ACTN4: variants seen among roughly 807,000 people sequenced by gnomAD.
The protein encoded by ACTN4 is actinin alpha 4, also known as alpha-actinin-4.
Under a neutral mutation model 114.2 loss-of-function variants are expected in ACTN4, and 18 were observed. The observed-to-expected ratio is 0.16, with a 90% CI of 0.11 to 0.23. ACTN4 has a LOEUF of 0.23. Among genes scored for constraint, ACTN4 ranks in the 10% least tolerant of loss-of-function variants. The pLI is 1.00. For missense variants in ACTN4, 722 were observed against 1,262.9 expected (o/e 0.57, Z 6.49); for synonymous variants, 515 against 506.3 (o/e 1.02, Z -0.23).
chr19:38,707,912 G>T (rs537310388), intron 5 of ACTN4, among the ~76,000 whole-genome samples: 1 of 152,358 alleles, frequency 6.6e-6, no homozygotes, highest in African/African-American at 2.4e-5. Context: ...CTGTCAGTAG[G>T]CAGAAGAGTC....
chr19:38,655,263 G>A (rs1435806674), intron 1 of ACTN4, among the ~76,000 whole-genome samples: 1 of 152,162 alleles, frequency 6.6e-6, no homozygotes, highest in African/African-American at 2.4e-5. Context: ...AAACAAAACA[G>A]TGTTGTTTCC....
Position 38,729,269 on chromosome 19 carries a change from C to T in ACTN4, c.2578-5C>T, listed in dbSNP as rs762278465. Reference sequence around the variant, plus strand: ...TGGCTCAGAGTCCCATCCTGCCTGCCCCAGAACTTCATCACAGCTGAGGAG... The same window carrying T: ...TGGCTCAGAGTCCCATCCTGCCTGCTCCAGAACTTCATCACAGCTGAGGAG... On this transcript the variant is annotated splice_polypyrimidine_tract_variant and splice_region_variant and intron_variant, in intron 20 of 20. Coordinates refer to ENST00000252699, the MANE Select transcript of ACTN4 (RefSeq NM_004924.6). The T allele has an allele frequency of 5.6e-6, 9 of 1,612,838 alleles. No individual in the cohort carries two copies. In the Admixed American group the frequency reaches 8.3e-5, roughly 15 times the overall value.
In ACTN4 at chr19:38,725,907, C is replaced by T. The variant is rs201878895; in HGVS notation, c.2190+4C>T. On this transcript the variant is annotated splice_donor_region_variant and intron_variant, in intron 17 of 20. Coordinates refer to ENST00000252699, the MANE Select transcript of ACTN4 (RefSeq NM_004924.6). ...GCACACCAACTATACCATGGAGGTG[C>T]GCGGCTGCCCCGCCCGCTGGCCTTT... The T allele has an allele frequency of 3.2e-4, 513 of 1,613,660 alleles. 1 individual carries two copies. Among genetic ancestry groups the T allele is most frequent in the Non-Finnish European group, 3.8e-4 (448 of 1,180,030 alleles).
intron 1 of ACTN4, among the ~76,000 whole-genome samples, chr19:38,679,925 C>T (rs796680541): frequency 3.3e-5 from 5 of 152,244 alleles, no homozygotes; most frequent in African/African-American, 9.6e-5. Context: ...GACTCTTCTT[C>T]CTCATCTCCT....
In ACTN4 at chr19:38,715,212, G is replaced by A. The variant is rs144662433; in HGVS notation, c.912+651G>A. Among the ~76,000 whole-genome samples, 369 of 152,272 alleles carry A rather than the reference G, an allele frequency of 2.4e-3. 2 individuals are homozygous for A. The highest frequency in any genetic ancestry group is 8.4e-3 in the African/African-American group (348 of 41,564). On this transcript the variant is annotated intron_variant, in intron 9 of 20. Transcript: ENST00000252699. Reference sequence around the variant, plus strand: ...AAATCTCCATATTTAAAAAATAAACGTAGGCTGGGCGCAGTGGCTCACACC... The same window carrying A: ...AAATCTCCATATTTAAAAAATAAACATAGGCTGGGCGCAGTGGCTCACACC...
chr19:38,687,208 A>T (rs370739597), intron 1 of ACTN4, among the ~76,000 whole-genome samples: 2 of 151,156 alleles, frequency 1.3e-5, no homozygotes, highest in East Asian at 3.9e-4. Flanking sequence ...CTGACCTCAA[A>T]TGATCCACCT....
Position 38,717,269 on chromosome 19 carries a change from C to G in ACTN4, c.1096C>G (p.Leu366Val). The G allele has an allele frequency of 3.1e-6, 5 of 1,614,098 alleles. No individual in the cohort carries two copies. Among genetic ancestry groups the G allele is most frequent in the Non-Finnish European group, 4.2e-6 (5 of 1,180,032 alleles). ...NFNTLQTKLR[L>V]SNRPAFMPSE... ...CAACACGCTGCAGACCAAGCTGCGC[C>G]TCAGCAACCGGCCCGCCTTCATGCC... The change falls in exon 10 of 21, where the codon CTC becomes GTC. Residue 366 changes from leucine (L) to valine (V), a missense_variant. Physicochemically the swap from Leu to Val is conservative, Grantham distance 32. Around this residue, in one of 3 missense-constraint regions of ACTN4, gnomAD observed 523 missense variants for 875.9 expected, o/e 0.60. Coordinates refer to ENST00000252699, the MANE Select transcript of ACTN4 (RefSeq NM_004924.6). This position sits in a 1 kb window ranked among gnomAD's most constrained non-coding sequence, Gnocchi z 4.0.
At chr19:38,725,639 G>A in intron 16 of ACTN4, 85 bp from the exon 17 acceptor site, 1 of 1,505,784 alleles carries the variant, frequency 6.6e-7, no homozygotes, top group Non-Finnish European at 9.0e-7. Flanking sequence ...GAAGATGCAG[G>A]CCAGCAGCGC....
chr19:38,710,493 C>T (rs1968610545), intron 8 of ACTN4, 151 bp downstream of exon 8: 1 of 832,550 alleles, frequency 1.2e-6, no homozygotes, highest in Non-Finnish European at 2.0e-6. Flanking sequence ...GTTGCTGCCC[C>T]CTCAGCCTTA....
At chr19:38,728,051 A>G in intron 19 of ACTN4, 25 bp downstream of exon 19, 1 of 1,592,492 alleles carries the variant, frequency 6.3e-7, no homozygotes, top group South Asian at 1.1e-5. Flanking sequence ...GCCCCAGCGG[A>G]CCATGGCATT....
In ACTN4 at chr19:38,730,105, A is replaced by G. The variant is rs1239588481; in HGVS notation, c.*673A>G. 1 of 147,468 alleles carries G rather than the reference A, an allele frequency of 6.8e-6. No homozygotes were observed. The highest frequency in any genetic ancestry group is 1.5e-5 in the Non-Finnish European group (1 of 66,848). The allele number at this position is 147,468 out of a possible 1,614,324, so 9.1% of individuals were successfully genotyped here. ...TTCTAAGAACCAAAAAAAAAAAAGG[A>G]AAAAAAACACAAAACAACAAAAACC... is the stretch of plus-strand genomic sequence containing the variant. On this transcript the variant is annotated 3_prime_UTR_variant, in exon 21 of 21. Transcript: ENST00000252699.
Position 38,717,205 on chromosome 19 carries a change from G to A in ACTN4, c.1032G>A (p.Pro344=), listed in dbSNP as rs753535029. 8.7e-6 allele frequency: 14 copies of A among 1,614,252 alleles called. No homozygotes were observed. The highest frequency in any genetic ancestry group is 6.7e-5 in the East Asian group (3 of 44,888). Reference sequence around the variant, plus strand: ...GCGACTACCGGCGTGTGCACAAGCCGCCCAAGGTGCAGGAGAAGTGCCAGC... The same window carrying A: ...GCGACTACCGGCGTGTGCACAAGCCACCCAAGGTGCAGGAGAAGTGCCAGC... ...DFRDYRRVHK[P]PKVQEKCQLE... is the part of the protein sequence containing the mutation. Residue 344 remains proline (P), a synonymous_variant, in exon 10 of 21, where the codon CCG becomes CCA. Coordinates refer to ENST00000252699, the MANE Select transcript of ACTN4 (RefSeq NM_004924.6). The surrounding 1 kb of genome is among the most constrained non-coding windows in gnomAD (Gnocchi z 4.0).
In ACTN4 at chr19:38,727,299, C is replaced by G. The variant is rs544378103; in HGVS notation, c.2337+196C>G. Among the ~76,000 whole-genome samples the G allele has an allele frequency of 1.3e-5, 2 of 152,186 alleles. No individual in the cohort carries two copies. The highest frequency in any genetic ancestry group is 2.9e-5 in the Non-Finnish European group (2 of 68,020). ...AGACCCCAGCCTGGGCCACTTCACA[C>G]GCACAGGCAGGGGGCCGGAGGTCCC... On this transcript the variant is annotated intron_variant, in intron 18 of 20. Transcript: ENST00000252699. This position sits in a 1 kb window ranked among gnomAD's most constrained non-coding sequence, Gnocchi z 5.4.
In ACTN4 at chr19:38,727,168, G is replaced by T; in HGVS notation, c.2337+65G>T. The T allele has an allele frequency of 1.9e-6, 3 of 1,610,508 alleles. No homozygotes were observed. The highest frequency in any genetic ancestry group is 2.2e-5 in the South Asian group (2 of 90,864). ...CGTTGCCGTACCAGCCCACACCTTC[G>T]TCTCTGCATCTGTTCGTCCATTCCC... On this transcript the variant is annotated intron_variant, in intron 18 of 20. Coordinates refer to ENST00000252699, the MANE Select transcript of ACTN4 (RefSeq NM_004924.6). This position sits in a 1 kb window ranked among gnomAD's most constrained non-coding sequence, Gnocchi z 5.4.
At chr19:38,666,483 A>C (rs564136847) in intron 1 of ACTN4, among the ~76,000 whole-genome samples, 10 of 152,320 alleles carry the variant, frequency 6.6e-5, no homozygotes, top group African/African-American at 2.2e-4. Context: ...CCCTTCTAGC[A>C]CAAGAAAATG....
chr19:38,720,005 G>A (rs1012928076), intron 11 of ACTN4, among the ~76,000 whole-genome samples: 1 of 152,242 alleles, frequency 6.6e-6, no homozygotes, highest in Non-Finnish European at 1.5e-5. Flanking sequence ...TGCCCATGGC[G>A]TCTGCCAGAG....
At position 38,729,025 on chromosome 19, in the gene ACTN4, C is replaced by T. The variant is rs572536997; in HGVS notation, c.2448C>T (p.Ser816=). 3.1e-5 allele frequency: 50 copies of T among 1,613,486 alleles called. 1 individual carries two copies. The South Asian group carries it at 5.4e-4, about 17-fold the overall frequency. The change falls in exon 20 of 21, where the codon AGC becomes AGT. Residue 816 remains serine, a synonymous_variant. Transcript: ENST00000252699. The stretch of plus-strand genomic sequence containing the variant: ...AGGCCGAGTTCAACCGCATCATGAG[C>T]CTGGTCGACCCCAACCATAGCGGCC... The part of the protein sequence containing the change: ...QGEAEFNRIM[S]LVDPNHSGLV...
intron 12 of ACTN4, among the ~76,000 whole-genome samples, chr19:38,723,227 C>T (rs1969107930): frequency 1.3e-5 from 2 of 152,174 alleles, no homozygotes; most frequent in African/African-American, 4.8e-5. Context: ...GTGGCTGGCT[C>T]GCCTGCTCCC....
chr19:38,651,316 C>T (rs531023719), intron 1 of ACTN4, among the ~76,000 whole-genome samples: 2 of 152,196 alleles, frequency 1.3e-5, no homozygotes, highest in Admixed American at 6.5e-5. Flanking sequence ...CCCTGTAACC[C>T]GTAAGTAGGT....
Sources: allele counts gnomAD v4.1 joint callset (sites outside exome capture counted in the v4.1 genomes callset), GRCh38; gene constraint gnomAD v4.1.1; regional missense constraint gnomAD v4.1.1; non-coding constraint Gnocchi (gnomAD v3.1); transcripts MANE v1.5; gene names NCBI Gene and HGNC (gene_info 2026-07-23, HGNC 2026-07-21).